The following NPAS3 variants were observed in gnomAD, a reference collection of about 807,000 sequenced individuals.
NPAS3 encodes neuronal PAS domain-containing protein 3.
In NPAS3, 14 loss-of-function variants were observed where a neutral mutation model predicts 73.1. The observed-to-expected ratio is 0.19, with a 90% CI of 0.13 to 0.30. NPAS3 has a LOEUF of 0.30. NPAS3 is among the 10% of genes least tolerant of loss of function. NPAS3 has a pLI of 1.00. For missense variants in NPAS3, 1,096 were observed against 1,250.0 expected (o/e 0.88, Z 1.86); for synonymous variants, 620 against 541.5 (o/e 1.14, Z -2.01).
intron 5 of NPAS3, among the ~76,000 whole-genome samples, chr14:33,636,958 T>C (rs1409419305): frequency 1.3e-5 from 2 of 151,568 alleles, no homozygotes; most frequent in Non-Finnish European, 2.9e-5. Context: ...ATTAACAGAA[T>C]TGGTCTATCT....
At chr14:33,183,634 T>G (rs866247448) in intron 2 of NPAS3, among the ~76,000 whole-genome samples, 4 of 151,954 alleles carry the variant, frequency 2.6e-5, no homozygotes, top group Middle Eastern at 6.8e-3. Context: ...TCCTGGTCAT[T>G]CCCTCTCTTC....
rs543837396 is a variant in NPAS3, at chr14:33,394,114, A to G, written c.468+26846A>G. 7.9e-5 allele frequency among the ~76,000 whole-genome samples: 12 copies of G among 152,302 alleles called. No individual in the cohort carries two copies. The South Asian group carries it at 2.5e-3, about 32-fold the overall frequency. ...AATGTGATGCCCTGATGGATGGGAA[A>G]GGTTTTGTCTGTGAATATCATTTAG... On this transcript the variant is annotated intron_variant, in intron 4 of 11. Transcript: ENST00000356141.
At chr14:33,630,452 G>A (rs2058347357) in intron 5 of NPAS3, among the ~76,000 whole-genome samples, 1 of 152,170 alleles carries the variant, frequency 6.6e-6, no homozygotes, top group Non-Finnish European at 1.5e-5. Context: ...TGTTTGAGAA[G>A]CAACTAGTAG....
chr14:33,067,617 T>G (rs1171325530), intron 2 of NPAS3, among the ~76,000 whole-genome samples: 4 of 152,240 alleles, frequency 2.6e-5, no homozygotes, highest in Non-Finnish European at 2.9e-5. Flanking sequence ...AGCAACCTAG[T>G]GAACTGTGTT....
intron 4 of NPAS3, among the ~76,000 whole-genome samples, chr14:33,388,651 G>C (rs1440984149): frequency 2.6e-5 from 4 of 152,014 alleles, no homozygotes. Context: ...AGAAGGAGCT[G>C]AGACATGTTT....
At chr14:32,963,599 C>G (rs1015569943) in intron 1 of NPAS3, among the ~76,000 whole-genome samples, 3 of 152,120 alleles carry the variant, frequency 2.0e-5, no homozygotes, top group African/African-American at 7.2e-5. Context: ...CAGTTTGTCC[C>G]CTTCTTCCCC....
At chr14:33,133,951 T>C (rs916489801) in intron 2 of NPAS3, among the ~76,000 whole-genome samples, 13 of 152,170 alleles carry the variant, frequency 8.5e-5, no homozygotes, top group African/African-American at 3.1e-4. Flanking sequence ...TACAGAAATA[T>C]ATAGCAATAA....
intron 2 of NPAS3, among the ~76,000 whole-genome samples, chr14:33,178,242 T>C (rs2045668205): frequency 6.6e-6 from 1 of 151,672 alleles, no homozygotes; most frequent in Non-Finnish European, 1.5e-5. Flanking sequence ...ACCCAGCAAA[T>C]TTTTGTATTT....
chr14:33,529,443 A>G (rs1037319879), intron 4 of NPAS3, among the ~76,000 whole-genome samples: 35 of 152,074 alleles, frequency 2.3e-4, no homozygotes, highest in African/African-American at 8.2e-4. Context: ...TAGTCTGTAT[A>G]GACTGATATT....
chr14:33,071,184 C>A (rs1175647808), intron 2 of NPAS3, among the ~76,000 whole-genome samples: 1 of 152,090 alleles, frequency 6.6e-6, no homozygotes, highest in Non-Finnish European at 1.5e-5. Context: ...AGGAACAATA[C>A]TATTATCATC....
intron 3 of NPAS3, among the ~76,000 whole-genome samples, chr14:33,277,801 G>A (rs891397184): frequency 1.3e-5 from 2 of 152,092 alleles, no homozygotes; most frequent in Admixed American, 1.3e-4. Context: ...ACCAGACAGA[G>A]GCTTTGGATT....
chr14:33,055,671 AAAAAC>A (rs918411743), intron 1 of NPAS3, among the ~76,000 whole-genome samples: 9 of 152,326 alleles, frequency 5.9e-5, no homozygotes, highest in South Asian at 2.1e-4. Flanking sequence ...ATTTAAAAAA[AAAAAC>A]AAAACAAAAC....
intron 7 of NPAS3, among the ~76,000 whole-genome samples, chr14:33,759,385 G>A (rs558090446): frequency 6.6e-6 from 1 of 152,318 alleles, no homozygotes; most frequent in Non-Finnish European, 1.5e-5. Flanking sequence ...TCAGTATATT[G>A]TCTTCTTTTC....
chr14:33,443,846 C>A (rs1169000928), intron 4 of NPAS3, among the ~76,000 whole-genome samples: 1 of 152,080 alleles, frequency 6.6e-6, no homozygotes, highest in African/African-American at 2.4e-5. Flanking sequence ...TGGAGCCATT[C>A]GGGTAGGGTA....
intron 4 of NPAS3, among the ~76,000 whole-genome samples, chr14:33,503,876 G>A (rs1014117683): frequency 2.6e-5 from 4 of 151,892 alleles, no homozygotes; most frequent in African/African-American, 7.3e-5. Context: ...GGAAACATTC[G>A]TAACTCAATA....
At chr14:33,108,500 C>G (rs1226141190) in intron 2 of NPAS3, among the ~76,000 whole-genome samples, 1 of 152,006 alleles carries the variant, frequency 6.6e-6, no homozygotes, top group Non-Finnish European at 1.5e-5. Flanking sequence ...TTTAGGCAAG[C>G]ATTATGACTG....
chr14:33,751,203 G>A (rs2061953234), intron 7 of NPAS3, among the ~76,000 whole-genome samples: 1 of 152,172 alleles, frequency 6.6e-6, no homozygotes, highest in Admixed American at 6.5e-5. Context: ...AAATTTTTTG[G>A]AATCATTGTA....
chr14:33,208,237 C>G (rs571333230), intron 2 of NPAS3, among the ~76,000 whole-genome samples: 4 of 152,108 alleles, frequency 2.6e-5, no homozygotes, highest in African/African-American at 9.6e-5. Context: ...TTTGGTCTTG[C>G]TGTGGTTTAT....
At chr14:33,513,122 A>G (rs2053137885) in intron 4 of NPAS3, among the ~76,000 whole-genome samples, 1 of 152,026 alleles carries the variant, frequency 6.6e-6, no homozygotes, top group African/African-American at 2.4e-5. Context: ...CCGTTCACTC[A>G]TTGACAGAAG....
Sources: gnomAD v4.1 joint callset for allele counts (sites outside exome capture counted in the v4.1 genomes callset) on GRCh38, gnomAD v4.1.1 for gene constraint, MANE v1.5 for transcripts, NCBI Gene and HGNC (gene_info 2026-07-23, HGNC 2026-07-21) for gene names.